Variants in DST observed in about 807,000 individuals in gnomAD.
DST encodes the protein dystonin, also known as bullous pemphigoid antigen.
Under a neutral mutation model 875.2 loss-of-function variants are expected in DST, and 253 were observed. The ratio of observed to expected loss-of-function variants is 0.29; its 90% CI spans 0.26 to 0.32. DST has a LOEUF of 0.32. Among genes scored for constraint, DST ranks in the 10% least tolerant of loss-of-function variants. The probability of loss-of-function intolerance (pLI) is 1.00; values close to 1 mark genes in which losing one functional copy is unlikely to be tolerated. For synonymous variants in DST, 3,124 were observed against 3,197.1 expected (o/e 0.98, Z 0.77); for missense variants, 8,287 against 9,111.6 (o/e 0.91, Z 3.68).
intron 15 of DST, 32 bp downstream of exon 15, chr6:56,645,834 G>C (rs372240930): frequency 6.2e-7 from 1 of 1,605,616 alleles, no homozygotes; most frequent in African/African-American, 1.3e-5. Flanking sequence ...CTCCCCACTT[G>C]ATATTCATGG....
intron 45 of DST, among the ~76,000 whole-genome samples, chr6:56,598,912 A>C (rs916641609): frequency 6.6e-6 from 1 of 152,142 alleles, no homozygotes. Flanking sequence ...GAAAAGCATG[A>C]ATTTTCATGT....
intron 69 of DST, among the ~76,000 whole-genome samples, chr6:56,523,108 A>G (rs906835411): frequency 2.6e-5 from 4 of 152,148 alleles, no homozygotes; most frequent in African/African-American, 9.6e-5. Context: ...GATTCTTCCT[A>G]AAAGTAATGA....
Position 56,616,903 on chromosome 6 carries a change from T to C in DST, c.4930-2419A>G, listed in dbSNP as rs772905590. The C allele has an allele frequency of 2.5e-5, 40 of 1,611,894 alleles. No individual in the cohort carries two copies. The highest frequency in any genetic ancestry group is 3.2e-5 in the Non-Finnish European group (38 of 1,179,208). On this transcript the variant is annotated intron_variant, in intron 36 of 103. Transcript: ENST00000680361. ...TAAGAACTGCATCTTCAACAGAATA[T>C]GTCTGACCTGAAATGGGATCAATTA...
chr6:56,639,989 T>C lies in DST; in HGVS notation c.2559A>G (p.Lys853=), dbSNP rs1371671439. The change falls in exon 19 of 104, where the codon AAA becomes AAG. Residue 853 remains lysine, a synonymous_variant. Transcript: ENST00000680361. ...ATTCTTCAATAGCTCTATGAACATT[T>C]TTATGATTTTCTAAATGGCTTTCAA... ...PSVESHLENH[K]NVHRAIEEFE... The C allele has an allele frequency of 6.2e-7, 1 of 1,613,850 alleles. No individual in the cohort carries two copies. Among genetic ancestry groups the C allele is most frequent in the East Asian group, 2.2e-5 (1 of 44,882 alleles).
In DST at chr6:56,584,725, T is replaced by C. The variant is rs370436875; in HGVS notation, c.12904-5788A>G. Among the ~76,000 whole-genome samples the C allele has an allele frequency of 3.3e-5, 5 of 152,098 alleles. 1 individual carries two copies. Among genetic ancestry groups the C allele is most frequent in the Admixed American group, 3.3e-4 (5 of 15,280 alleles). On this transcript the variant is annotated intron_variant, in intron 49 of 103. Coordinates refer to ENST00000680361, the MANE Select transcript of DST (RefSeq NM_001374736.1). Reference sequence around the variant, plus strand: ...TGCCCATTCAGTATGATATTGGCTGTGGGTCTGTCATAGATAGCTCTTATT... The same window carrying C: ...TGCCCATTCAGTATGATATTGGCTGCGGGTCTGTCATAGATAGCTCTTATT...
intron 61 of DST, among the ~76,000 whole-genome samples, chr6:56,547,782 C>T (rs906838583): frequency 2.6e-5 from 4 of 152,028 alleles, no homozygotes; most frequent in African/African-American, 9.7e-5. Flanking sequence ...TTTGGTTTAC[C>T]GAATATTAAA....
At position 56,554,931 on chromosome 6, in the gene DST, C is replaced by A. The variant is rs112528082; in HGVS notation, c.15136+414G>T. Among the ~76,000 whole-genome samples, 13 of 152,272 alleles carry A rather than the reference C, an allele frequency of 8.5e-5. 1 individual carries two copies. The highest frequency in any genetic ancestry group is 3.1e-4 in the African/African-American group (13 of 41,538). On this transcript the variant is annotated intron_variant, in intron 60 of 103. Transcript: ENST00000680361. ...AAAATAGTGACAAATGCCTCTCTTT[C>A]GCACATTTCTCTAGAAAAGTTTTCT...
chr6:56,689,632 T>G (rs888602801), intron 9 of DST, among the ~76,000 whole-genome samples: 1 of 152,112 alleles, frequency 6.6e-6, no homozygotes, highest in Non-Finnish European at 1.5e-5. Flanking sequence ...AGAATAAGAA[T>G]AGTAAAAAGC....
At chr6:56,515,008 T>G (rs569514898) in intron 72 of DST, among the ~76,000 whole-genome samples, 1 of 152,326 alleles carries the variant, frequency 6.6e-6, no homozygotes, top group Non-Finnish European at 1.5e-5. Context: ...ATTGCTATTT[T>G]GACACATTCA....
chr6:56,460,336 G>A lies in DST; in HGVS notation c.23071-82C>T, dbSNP rs900819940. 1.1e-5 allele frequency: 17 copies of A among 1,479,702 alleles called. No homozygotes were observed. In the African/African-American group the frequency reaches 1.2e-4, roughly 11 times the overall value. The allele number at this position is 1,479,702 out of a possible 1,614,324, so 91.7% of individuals were successfully genotyped here. ...CACTGACACCACTTCTTTACATATG[G>A]GTGGAAACTCTCTACTATTCCTCTT... On this transcript the variant is annotated intron_variant, in intron 102 of 103. Coordinates refer to ENST00000680361, the MANE Select transcript of DST (RefSeq NM_001374736.1).
At chr6:56,519,784 G>A (rs925393402) in intron 69 of DST, among the ~76,000 whole-genome samples, 7 of 152,312 alleles carry the variant, frequency 4.6e-5, no homozygotes, top group Middle Eastern at 3.4e-3. Context: ...AGAGTGGTAA[G>A]AGGAAGGCAG....
At position 56,950,391 on chromosome 6, in the gene DST, C is replaced by G. The variant is rs9396239; in HGVS notation, c.216+3394G>C. ...CATTCTACTGAAGTACTCCCAAGAC[C>G]CTTTCTTATAATCTAATGGTACCTC... is the stretch of plus-strand genomic sequence containing the variant. On this transcript the variant is annotated intron_variant, in intron 2 of 103. Coordinates refer to ENST00000680361, the MANE Select transcript of DST (RefSeq NM_001374736.1). Among the ~76,000 whole-genome samples, 245 of 152,222 alleles carry G rather than the reference C, an allele frequency of 1.6e-3. 3 individuals are homozygous for G. The East Asian group carries it at 0.021, about 13-fold the overall frequency.
chr6:56,617,239 A>C, intron 36 of DST: 1 of 1,607,024 alleles, frequency 6.2e-7, no homozygotes, highest in Non-Finnish European at 8.5e-7. Context: ...ATGCATGATC[A>C]CCATCAAAGT....
chr6:56,851,884 G>A lies in DST; in HGVS notation c.418-280C>T, dbSNP rs966458240. The A allele has an allele frequency of 2.0e-5, 31 of 1,549,452 alleles. No individual in the cohort carries two copies. In the South Asian group the frequency reaches 2.4e-4, roughly 12 times the overall value. Reference sequence around the variant, plus strand: ...GGAAGAAGTGTGTGGCCTGTGGTCCGGCCACCAGCTCACAAATGACTGGCC... The same window carrying A: ...GGAAGAAGTGTGTGGCCTGTGGTCCAGCCACCAGCTCACAAATGACTGGCC... On this transcript the variant is annotated intron_variant, in intron 3 of 103. Coordinates refer to ENST00000680361, the MANE Select transcript of DST (RefSeq NM_001374736.1).
chr6:56,583,313 T>C (rs2098065541), intron 49 of DST, among the ~76,000 whole-genome samples: 1 of 152,214 alleles, frequency 6.6e-6, no homozygotes, highest in South Asian at 2.1e-4. Flanking sequence ...TGGTATCTCA[T>C]TGTGGTTTTG....
At chr6:56,652,202 G>C (rs866604944) in intron 10 of DST, among the ~76,000 whole-genome samples, 16 of 152,202 alleles carry the variant, frequency 1.1e-4, no homozygotes, top group Admixed American at 6.5e-4. Context: ...TTTGAAGCTA[G>C]CTCTATCTAC....
rs73749938 is a variant in DST at position 56,497,531 on chromosome 6, T to C, written c.20095-24A>G. The C allele has an allele frequency of 1.4e-5, 22 of 1,609,534 alleles. 1 individual carries two copies. Among genetic ancestry groups the C allele is most frequent in the East Asian group, 2.2e-5 (1 of 44,834 alleles). On this transcript the variant is annotated intron_variant, in intron 81 of 103. Transcript: ENST00000680361. ...GCCTGAAGTAATAGGCAGTTTTAAG[T>C]TGGGGCCATAAACACTGTCAGTTTC...
At chr6:56,832,966 T>C (rs2099789061) in intron 4 of DST, among the ~76,000 whole-genome samples, 1 of 152,196 alleles carries the variant, frequency 6.6e-6, no homozygotes, top group African/African-American at 2.4e-5. Context: ...CTCGAACTAC[T>C]GACCTCAGGA....
chr6:56,519,382 C>A (rs1040589654), intron 69 of DST, among the ~76,000 whole-genome samples: 49 of 152,176 alleles, frequency 3.2e-4, no homozygotes, highest in African/African-American at 1.1e-3. Flanking sequence ...TCTATCCTTG[C>A]AATGCCATGA....
Sources: gnomAD v4.1 joint callset for allele counts (sites outside exome capture counted in the v4.1 genomes callset) on GRCh38, gnomAD v4.1.1 for gene constraint, MANE v1.5 for transcripts, NCBI Gene and HGNC (gene_info 2026-07-23, HGNC 2026-07-21) for gene names.